The following ZNF800 variants were observed in gnomAD, a reference collection of about 807,000 sequenced individuals.
ZNF800 encodes zinc finger protein 800.
A neutral mutation model predicts 59.5 loss-of-function variants in ZNF800; 13 were observed. The ratio of observed to expected loss-of-function variants is 0.22; its 90% CI spans 0.14 to 0.35. The LOEUF is 0.35. Ranked by LOEUF, ZNF800 falls within the 10% of genes least tolerant of loss-of-function variation. ZNF800 has a pLI of 1.00. For missense variants in ZNF800, 621 were observed against 783.7 expected (o/e 0.79, Z 2.48); for synonymous variants, 266 against 265.7 (o/e 1.00, Z -0.01).
chr7:127,371,614 C>T lies in ZNF800; in HGVS notation c.*200G>A. ...GTAATATCACAGCTACTTGAAAGTG[C>T]TGGAATAGGCAGTGCCTTAGAAACA... On this transcript the variant is annotated 3_prime_UTR_variant, in exon 6 of 6. Coordinates refer to ENST00000265827, the MANE Select transcript of ZNF800 (RefSeq NM_176814.5). 1 of 442,780 alleles carries T rather than the reference C, an allele frequency of 2.3e-6. No individual in the cohort carries two copies. Among genetic ancestry groups the T allele is most frequent in the Non-Finnish European group, 4.1e-6 (1 of 246,518 alleles). The allele number at this position is 442,780 out of a possible 1,614,324, so 27.4% of individuals were successfully genotyped here.
intron 5 of ZNF800, 37 bp downstream of exon 5, chr7:127,373,305 G>C: frequency 6.5e-7 from 1 of 1,533,280 alleles, no homozygotes; most frequent in Non-Finnish European, 8.7e-7. Flanking sequence ...TAGTTCGATG[G>C]GGGGAAAAAA....
rs1275675035 is a variant in ZNF800 at position 127,374,508 on chromosome 7, T to C, written c.828A>G (p.Gly276=). ...ATGGAACTAGAACATTCTTACTGCG[T>C]CCTTTAGAGGATTGGTTTGGATTCT... The part of the protein sequence containing the change: ...TRKNPNQSSK[G]RSKNVLVPLS... Residue 276 remains glycine (G), a synonymous_variant, in exon 5 of 6, where the codon GGA becomes GGG. Transcript: ENST00000265827. 1.2e-6 allele frequency: 2 copies of C among 1,614,058 alleles called. No homozygotes were observed. The highest frequency in any genetic ancestry group is 1.7e-6 in the Non-Finnish European group (2 of 1,180,020).
chr7:127,379,005 A>G (rs1457549092), intron 3 of ZNF800, among the ~76,000 whole-genome samples: 4 of 149,566 alleles, frequency 2.7e-5, no homozygotes, highest in Admixed American at 2.0e-4. Context: ...TTTCTACTGG[A>G]AAAAATGTAT....
intron 1 of ZNF800, chr7:127,362,478 T>C (rs1296378744): frequency 6.6e-6 from 1 of 152,166 alleles, no homozygotes; most frequent in Non-Finnish European, 1.5e-5. Context: ...TAGGACCCTG[T>C]AATTTCCCTG....
At chr7:127,343,633 T>C (rs1180110641), downstream of ZNF800, among the ~76,000 whole-genome samples, 1 of 152,014 alleles carries the variant, frequency 6.6e-6, no homozygotes, top group Non-Finnish European at 1.5e-5. Context: ...ATATGCTATG[T>C]ACCAATCTAG....
exon 2 of ZNF800, chr7:127,347,287 C>T (rs1348889451): frequency 6.6e-6 from 1 of 151,198 alleles, no homozygotes; most frequent in East Asian, 2.0e-4. Context: ...GTGCATAACA[C>T]AACTCCAAGT....
Position 127,373,709 on chromosome 7 carries a change from T to C in ZNF800, c.1627A>G (p.Lys543Glu). The change falls in exon 5 of 6, where the codon AAA (lysine) becomes GAA (glutamate). Residue 543 changes from lysine to glutamate, a missense_variant. Coordinates refer to ENST00000265827, the MANE Select transcript of ZNF800 (RefSeq NM_176814.5). ...DVIRHITVVH[K>E]KSSRYLGKIT... is the part of the protein sequence containing the mutation. ...TTCCCAAGATAACGAGATGACTTTTTATGAACCACAGTTATATGTCGTATC... is the reference window on the plus strand; with the variant it reads ...TTCCCAAGATAACGAGATGACTTTTCATGAACCACAGTTATATGTCGTATC... 1 of 1,614,214 alleles carries C rather than the reference T, an allele frequency of 6.2e-7. No homozygotes were observed. The highest frequency in any genetic ancestry group is 8.5e-7 in the Non-Finnish European group (1 of 1,180,018).
At chr7:127,343,571 C>G (rs1800005658), downstream of ZNF800, among the ~76,000 whole-genome samples, 3 of 151,874 alleles carry the variant, frequency 2.0e-5, no homozygotes, top group Admixed American at 2.0e-4. Flanking sequence ...GAGATTGAGG[C>G]CTAAACAATG....
rs749552543 is a variant in ZNF800 at position 127,374,599 on chromosome 7, C to A, written c.737G>T (p.Arg246Leu). 6.2e-7 allele frequency: 1 copy of A among 1,614,002 alleles called. No homozygotes were observed. Among genetic ancestry groups the A allele is most frequent in the South Asian group, 1.1e-5 (1 of 91,078 alleles). The change falls in exon 5 of 6, where the codon CGC (arginine) becomes CTC (leucine). Residue 246 changes from arginine to leucine, a missense_variant. Transcript: ENST00000265827. ...RKEFNSRRGV[R>L]RHIRKVHKKK... is the part of the protein sequence containing the mutation. ...CTTGTGTACTTTTCGAATGTGACGG[C>A]GAACACCTCGTCTAGAATTGAATTC...
chr7:127,387,955 T>C (rs1394331017), intron 2 of ZNF800, among the ~76,000 whole-genome samples: 1 of 144,788 alleles, frequency 6.9e-6, no homozygotes, highest in Non-Finnish European at 1.5e-5. Context: ...CACACACTCA[T>C]TTTGAGAATA....
At chr7:127,386,687 C>T (rs1801145769) in intron 2 of ZNF800, among the ~76,000 whole-genome samples, 1 of 152,164 alleles carries the variant, frequency 6.6e-6, no homozygotes, top group Non-Finnish European at 1.5e-5. Context: ...TAGTGCTCTG[C>T]AGCACTGTAT....
At chr7:127,390,516 T>C (rs1164363746) in intron 2 of ZNF800, among the ~76,000 whole-genome samples, 2 of 152,198 alleles carry the variant, frequency 1.3e-5, no homozygotes, top group African/African-American at 2.4e-5. Flanking sequence ...CTTCTACTGA[T>C]AACATTTTTT....
chr7:127,382,046 TCCTC>T (rs1020756852), intron 3 of ZNF800, among the ~76,000 whole-genome samples: 2 of 152,176 alleles, frequency 1.3e-5, no homozygotes, highest in Admixed American at 6.6e-5. Context: ...TACAATTTAT[TCCTC>T]CCTAAGAGTC....
chr7:127,349,399 C>T (rs1028712419), intron 1 of ZNF800, among the ~76,000 whole-genome samples: 1 of 152,108 alleles, frequency 6.6e-6, no homozygotes, highest in Non-Finnish European at 1.5e-5. Flanking sequence ...TAATATAACA[C>T]AGGAGAGGGG....
exon 2 of ZNF800, chr7:127,347,546 G>A (rs1377840800): frequency 1.3e-5 from 2 of 152,276 alleles, no homozygotes; most frequent in Non-Finnish European, 2.9e-5. Context: ...GTATTGTCCA[G>A]TGACAAGATT....
chr7:127,391,347 G>C (rs1801306377), intron 2 of ZNF800, 150 bp downstream of exon 2: 1 of 738,502 alleles, frequency 1.4e-6, no homozygotes, highest in Admixed American at 2.5e-5. Context: ...GTTTGTACAA[G>C]CTTTTAGCTT....
chr7:127,361,109 C>T (rs567894526), intron 1 of ZNF800: 2 of 152,274 alleles, frequency 1.3e-5, no homozygotes, highest in Admixed American at 1.3e-4. Context: ...AAACATGGTA[C>T]TAACTGCCAC....
At position 127,374,280 on chromosome 7, in the gene ZNF800, A is replaced by G. The variant is rs141900407; in HGVS notation, c.1056T>C (p.Ala352=). 7.8e-5 allele frequency: 126 copies of G among 1,613,556 alleles called. No homozygotes were observed. The highest frequency in any genetic ancestry group is 2.0e-4 in the Admixed American group (12 of 59,880). ...ATTTGCATGCAGTTAAATTGTATTCAGCCTTTGAAGAAGACTTTTGTTTTC... is the reference window on the plus strand; with the variant it reads ...ATTTGCATGCAGTTAAATTGTATTCGGCCTTTGAAGAAGACTTTTGTTTTC... ...KTRKQKSSSK[A]EYNLTACKCL... Residue 352 remains alanine, a synonymous_variant, in exon 5 of 6, where the codon GCT becomes GCC. Coordinates refer to ENST00000265827, the MANE Select transcript of ZNF800 (RefSeq NM_176814.5).
chr7:127,388,820 G>A (rs962768102), intron 2 of ZNF800, among the ~76,000 whole-genome samples: 1 of 152,126 alleles, frequency 6.6e-6, no homozygotes, highest in Non-Finnish European at 1.5e-5. Flanking sequence ...CATCTGTGTA[G>A]CTCCCACTCT....
Sources: allele counts gnomAD v4.1 joint callset (sites outside exome capture counted in the v4.1 genomes callset), GRCh38; gene constraint gnomAD v4.1.1; transcripts MANE v1.5; gene names NCBI Gene and HGNC (gene_info 2026-07-23, HGNC 2026-07-21).